The following ARHGAP21 variants were observed in gnomAD, a reference collection of about 807,000 sequenced individuals.
The protein encoded by ARHGAP21 is Rho GTPase activating protein 21.
ARHGAP21 carries 38 observed loss-of-function variants against 164.6 expected under a neutral mutation model. The ratio of observed to expected loss-of-function variants is 0.23; its 90% CI spans 0.18 to 0.30. ARHGAP21 has a LOEUF of 0.30. Ranked by LOEUF, ARHGAP21 falls within the 10% of genes least tolerant of loss-of-function variation. The probability of loss-of-function intolerance (pLI) is 1.00; values close to 1 mark genes in which losing one functional copy is unlikely to be tolerated. For synonymous variants in ARHGAP21, 766 were observed against 857.9 expected, an observed-to-expected ratio of 0.89 and a Z score of 1.87; for missense variants, 1,822 against 2,370.7, an observed-to-expected ratio of 0.77 and a Z score of 4.81.
chr10:24,681,393 C>T (rs1402606363), intron 2 of ARHGAP21, among the ~76,000 whole-genome samples: 3 of 152,160 alleles, frequency 2.0e-5, no homozygotes, highest in African/African-American at 7.2e-5. Context: ...AGAGATAGGG[C>T]TGTCACAAAA....
intron 2 of ARHGAP21, among the ~76,000 whole-genome samples, chr10:24,689,505 C>T (rs1842511362): frequency 1.3e-5 from 2 of 152,038 alleles, no homozygotes; most frequent in Non-Finnish European, 1.5e-5. Context: ...TTTGGGAGGC[C>T]AAGGTGGGCG....
At chr10:24,686,387 C>G (rs1842213083) in intron 2 of ARHGAP21, among the ~76,000 whole-genome samples, 1 of 152,052 alleles carries the variant, frequency 6.6e-6, no homozygotes, top group African/African-American at 2.4e-5. Flanking sequence ...CGAGATGGCG[C>G]CACACACTCC....
At chr10:24,699,576 C>T (rs974068572) in intron 2 of ARHGAP21, among the ~76,000 whole-genome samples, 1 of 152,116 alleles carries the variant, frequency 6.6e-6, no homozygotes, top group African/African-American at 2.4e-5. Flanking sequence ...CGGCTCACCT[C>T]GGCCTCCCAA....
intron 21 of ARHGAP21, among the ~76,000 whole-genome samples, chr10:24,592,653 T>A (rs2076386653): frequency 6.6e-6 from 1 of 151,650 alleles, no homozygotes; most frequent in East Asian, 1.9e-4. Context: ...CGATGGTGTG[T>A]GCATGCAGTC....
At chr10:24,606,051 G>C (rs1345694509) in intron 11 of ARHGAP21, among the ~76,000 whole-genome samples, 1 of 152,072 alleles carries the variant, frequency 6.6e-6, no homozygotes, top group African/African-American at 2.4e-5. Context: ...ATTAGAAAAT[G>C]TAAAGTTGTC....
chr10:24,680,958 A>G (rs1841706238), intron 2 of ARHGAP21, among the ~76,000 whole-genome samples: 1 of 152,236 alleles, frequency 6.6e-6, no homozygotes, highest in Admixed American at 6.5e-5. Context: ...TGACTCCCTT[A>G]AAAGACTTCA....
intron 2 of ARHGAP21, among the ~76,000 whole-genome samples, chr10:24,719,549 AC>A (rs1845723351): frequency 6.6e-6 from 1 of 152,230 alleles, no homozygotes; most frequent in Non-Finnish European, 1.5e-5. Context: ...TGGCTGATTA[AC>A]AGCATTACTA....
chr10:24,659,446 G>C (rs1437041578), intron 4 of ARHGAP21, among the ~76,000 whole-genome samples: 2 of 152,144 alleles, frequency 1.3e-5, no homozygotes, highest in East Asian at 3.9e-4. Context: ...CTTGCGAGTA[G>C]CTGGGATTAC....
At position 24,584,395 on chromosome 10, in the gene ARHGAP21, G is replaced by A. The variant is rs1348733567; in HGVS notation, c.*17C>T. 6.4e-7 allele frequency: 1 copy of A among 1,564,774 alleles called. No homozygotes were observed. Among genetic ancestry groups the A allele is most frequent in the Admixed American group, 1.9e-5 (1 of 51,412 alleles). On this transcript the variant is annotated 3_prime_UTR_variant, in exon 26 of 26. Coordinates refer to ENST00000396432, the MANE Select transcript of ARHGAP21 (RefSeq NM_020824.4). ...AACAGTAGTTTTTTTACTTGCTAGA[G>A]TGGACATACCCCCAGTTTAAAGACA...
chr10:24,601,582 T>TTATAAAGGTAA (rs2076815403), intron 13 of ARHGAP21, among the ~76,000 whole-genome samples: 1 of 152,096 alleles, frequency 6.6e-6, no homozygotes, highest in South Asian at 2.1e-4. Flanking sequence ...TGAAACAAAG[T>TTATAAAGGTAA]TATAAAGGTA....
intron 21 of ARHGAP21, among the ~76,000 whole-genome samples, chr10:24,594,485 A>T (rs567357121): frequency 3.3e-5 from 5 of 152,116 alleles, no homozygotes; most frequent in African/African-American, 7.2e-5. Flanking sequence ...AATATAATTT[A>T]AAAAAAAGAA....
chr10:24,696,411 C>T (rs1409561354), intron 2 of ARHGAP21, among the ~76,000 whole-genome samples: 2 of 152,182 alleles, frequency 1.3e-5, no homozygotes, highest in East Asian at 3.9e-4. Context: ...ACCCTCAAAA[C>T]TCACACAGGA....
At position 24,601,062 on chromosome 10, in the gene ARHGAP21, T is replaced by C. The variant is rs979259145; in HGVS notation, c.2848-132A>G. On this transcript the variant is annotated intron_variant, in intron 13 of 25. Transcript: ENST00000396432. ...GTAGCAGGTGGCAGATTTAGCTCAC[T>C]ACATTATTTGTGAGGAGAGGAAGGA... is the stretch of plus-strand genomic sequence containing the variant. 20 of 1,036,312 alleles carry C rather than the reference T, an allele frequency of 1.9e-5. No homozygotes were observed. In the Admixed American group the frequency reaches 4.9e-4, roughly 25 times the overall value. 64.2% of individuals were successfully genotyped at this position (1,036,312 alleles called of 1,614,324 possible). A position where few individuals can be genotyped will look rare whatever the true frequency, so the allele number is the denominator to read the frequency against.
chr10:24,630,149 AAG>A (rs1835715568), intron 6 of ARHGAP21, 99 bp from the exon 7 acceptor site: 1 of 622,910 alleles, frequency 1.6e-6, no homozygotes, highest in South Asian at 3.2e-5. Context: ...TAAATTGTTT[AAG>A]AGTTTATTCT....
In ARHGAP21 at chr10:24,607,864, T is replaced by C. The variant is rs746225779; in HGVS notation, c.2462A>G (p.His821Arg). ...TGATATAACAGCAGAGGCAGGGATA[T>C]GTGCAATATCATGATCAATGCTAGG... ...TSPSIDHDIAHIPASAVISAS... is the reference protein window; with the variant it reads ...TSPSIDHDIARIPASAVISAS... The change falls in exon 10 of 26, where the codon CAT becomes CGT. Residue 821 changes from histidine to arginine, a missense_variant. Physicochemically the swap from His to Arg is conservative, Grantham distance 29. Coordinates refer to ENST00000396432, the MANE Select transcript of ARHGAP21 (RefSeq NM_020824.4). 2.5e-6 allele frequency: 4 copies of C among 1,613,898 alleles called. No individual in the cohort carries two copies. Among genetic ancestry groups the C allele is most frequent in the African/African-American group, 1.3e-5 (1 of 75,016 alleles).
intron 9 of ARHGAP21, among the ~76,000 whole-genome samples, chr10:24,616,255 G>A (rs770395321): frequency 1.3e-5 from 2 of 152,188 alleles, no homozygotes; most frequent in East Asian, 3.8e-4. Flanking sequence ...TAAAGTATAT[G>A]ATTTCTCTTT....
chr10:24,591,784 A>C, intron 22 of ARHGAP21, 101 bp from the exon 23 acceptor site: 1 of 1,599,808 alleles, frequency 6.3e-7, no homozygotes, highest in South Asian at 1.1e-5. Context: ...TTAGGGAAAG[A>C]TATTACAACC....
intron 2 of ARHGAP21, among the ~76,000 whole-genome samples, chr10:24,718,783 A>G (rs184949848): frequency 3.0e-4 from 45 of 152,340 alleles, no homozygotes; most frequent in Admixed American, 1.3e-3. Context: ...TCAAGAAGCA[A>G]AACAAAAATA....
At chr10:24,654,368 T>C (rs1838563220) in intron 4 of ARHGAP21, among the ~76,000 whole-genome samples, 1 of 150,634 alleles carries the variant, frequency 6.6e-6, no homozygotes, top group African/African-American at 2.5e-5. Flanking sequence ...GATTGTATAT[T>C]TAGAAAACCC....
Sources: allele counts gnomAD v4.1 joint callset (sites outside exome capture counted in the v4.1 genomes callset), GRCh38; gene constraint gnomAD v4.1.1; transcripts MANE v1.5; gene names NCBI Gene and HGNC (gene_info 2026-07-23, HGNC 2026-07-21).